Variants in GNB1L observed in about 807,000 individuals in gnomAD.
GNB1L encodes the protein guanine nucleotide-binding protein subunit beta-like protein 1.
GNB1L carries 20 observed loss-of-function variants against 29.1 expected under a neutral mutation model. The observed-to-expected ratio is 0.69, with a 90% CI of 0.48 to 1.00. The LOEUF (loss-of-function observed/expected upper bound fraction) is 1.00, where lower values mean the gene tolerates loss of function less well. Ranked by LOEUF, GNB1L falls within the 50% of genes least tolerant of loss-of-function variation. The probability of loss-of-function intolerance (pLI) is 0.00; values close to 1 mark genes in which losing one functional copy is unlikely to be tolerated. For synonymous variants in GNB1L, 193 were observed against 206.5 expected (o/e 0.93, Z 0.56); for missense variants, 421 against 464.9 (o/e 0.91, Z 0.87).
At chr22:19,853,681 C>T (rs906382370) in intron 2 of GNB1L, among the ~76,000 whole-genome samples, 4 of 152,136 alleles carry the variant, frequency 2.6e-5, no homozygotes, top group Non-Finnish European at 4.4e-5. Flanking sequence ...CCTCCACCAC[C>T]CAAACACTCT....
rs1166246342 is a variant in GNB1L at position 19,784,192 on chromosome 22, T to G, written c.*4517A>C. 1.3e-5 allele frequency: 2 copies of G among 152,202 alleles called. No homozygotes were observed. The highest frequency in any genetic ancestry group is 4.8e-5 in the African/African-American group (2 of 41,448). The allele number at this position is 152,202 out of a possible 1,614,324, so 9.4% of individuals were successfully genotyped here. A position where few individuals can be genotyped will look rare whatever the true frequency, so the allele number is the denominator to read the frequency against. ...GGGTTGTTTTTCTTTGTGCAAACAC[T>G]CCTTTTGTGCAGAGGGTGTTCTGTG... On this transcript the variant is annotated 3_prime_UTR_variant, in exon 8 of 8. Coordinates refer to ENST00000329517, the MANE Select transcript of GNB1L (RefSeq NM_053004.3).
chr22:19,833,593 G>A (rs1171389294), intron 2 of GNB1L, among the ~76,000 whole-genome samples: 1 of 152,160 alleles, frequency 6.6e-6, no homozygotes, highest in Non-Finnish European at 1.5e-5. Context: ...GCCGGACGCG[G>A]TAGTTCACAC....
rs1184835884 is a variant in GNB1L, at chr22:19,806,531, A to G, written c.516+128T>C. ...CGTGGGGACACTGAGGCAGCTGCAC[A>G]GGTTCCCTGCGGCAGGGGGGTGGGG... is the stretch of plus-strand genomic sequence containing the variant. On this transcript the variant is annotated intron_variant, in intron 6 of 7. Coordinates refer to ENST00000329517, the MANE Select transcript of GNB1L (RefSeq NM_053004.3). 2.7e-5 allele frequency: 17 copies of G among 629,682 alleles called. No homozygotes were observed. The South Asian group carries it at 3.2e-4, about 12-fold the overall frequency. The allele number at this position is 629,682 out of a possible 1,614,324, so 39.0% of individuals were successfully genotyped here. A position where few individuals can be genotyped will look rare whatever the true frequency, so the allele number is the denominator to read the frequency against.
In GNB1L at chr22:19,812,300, C is replaced by T. The variant is rs1937508306; in HGVS notation, c.402G>A (p.Gly134=). The T allele has an allele frequency of 6.2e-7, 1 of 1,612,716 alleles. No individual in the cohort carries two copies. Among genetic ancestry groups the T allele is most frequent in the Non-Finnish European group, 8.5e-7 (1 of 1,179,738 alleles). ...TGGCTCTCACCTCGTCGCTGCCCCT[C>T]CCTGGCACGGCAAGCGTCCAGCGTG... is the stretch of plus-strand genomic sequence containing the variant. ...GQPRWTLAVP[G]RGSDEVQILE... Residue 134 remains glycine, a synonymous_variant, in exon 5 of 8, where the codon GGG becomes GGA. Coordinates refer to ENST00000329517, the MANE Select transcript of GNB1L (RefSeq NM_053004.3).
intron 2 of GNB1L, among the ~76,000 whole-genome samples, chr22:19,845,014 C>T (rs1156340110): frequency 6.6e-6 from 1 of 152,202 alleles, no homozygotes; most frequent in African/African-American, 2.4e-5. Flanking sequence ...GGGATGTGCC[C>T]TGGAAACTTG....
intron 2 of GNB1L, among the ~76,000 whole-genome samples, chr22:19,839,807 G>A (rs1937826473): frequency 6.6e-6 from 1 of 152,040 alleles, no homozygotes; most frequent in Non-Finnish European, 1.5e-5. Flanking sequence ...CTGAACCCAG[G>A]AGGTGGAGGT....
At chr22:19,843,111 T>C (rs1180080856) in intron 2 of GNB1L, among the ~76,000 whole-genome samples, 18 of 152,190 alleles carry the variant, frequency 1.2e-4, no homozygotes, top group Admixed American at 1.0e-3. Flanking sequence ...GAGGGGCAGA[T>C]AGCACCGGGC....
rs1342560001 is a variant in GNB1L, at chr22:19,816,949, G to T, written c.254+3649C>A. 1.3e-5 allele frequency among the ~76,000 whole-genome samples: 2 copies of T among 152,192 alleles called. No homozygotes were observed. The highest frequency in any genetic ancestry group is 4.8e-5 in the African/African-American group (2 of 41,438). On this transcript the variant is annotated intron_variant, in intron 4 of 7. Coordinates refer to ENST00000329517, the MANE Select transcript of GNB1L (RefSeq NM_053004.3). The surrounding 1 kb of genome is among the most constrained non-coding windows in gnomAD (Gnocchi z 4.4). The stretch of plus-strand genomic sequence containing the variant: ...TCCCACCCCATCCAAGGGGCACTGA[G>T]GTGGGGGAAGGCGGGACCGCTGGGT...
At chr22:19,799,388 C>T (rs1161370358) in intron 7 of GNB1L, among the ~76,000 whole-genome samples, 1 of 152,226 alleles carries the variant, frequency 6.6e-6, no homozygotes, top group East Asian at 1.9e-4. Flanking sequence ...CCGAGGCACC[C>T]TCAGGTGGTA....
chr22:19,796,087 G>A (rs528055649), intron 7 of GNB1L, among the ~76,000 whole-genome samples: 1 of 152,348 alleles, frequency 6.6e-6, no homozygotes, highest in East Asian at 1.9e-4. Flanking sequence ...ATAAAGGGAA[G>A]TAGTGACCAA....
chr22:19,841,365 CA>C (rs1325004472), intron 2 of GNB1L, among the ~76,000 whole-genome samples: 1 of 152,174 alleles, frequency 6.6e-6, no homozygotes, highest in Non-Finnish European at 1.5e-5. Flanking sequence ...TATGAAACTT[CA>C]ATTCCTGTTT....
At chr22:19,789,965 C>T (rs551157231) in intron 7 of GNB1L, among the ~76,000 whole-genome samples, 9 of 152,296 alleles carry the variant, frequency 5.9e-5, no homozygotes, top group South Asian at 2.1e-4. Flanking sequence ...GAATGCTCCA[C>T]AGCCACAGGG....
chr22:19,831,704 AAAGAAAT>A, intron 2 of GNB1L, among the ~76,000 whole-genome samples: 1 of 151,810 alleles, frequency 6.6e-6, no homozygotes, highest in Non-Finnish European at 1.5e-5. Flanking sequence ...AAAAAAAATA[AAAGAAAT>A]AAAAAGAAAG....
At chr22:19,831,668 G>A (rs534903489) in intron 2 of GNB1L, among the ~76,000 whole-genome samples, 3 of 151,160 alleles carry the variant, frequency 2.0e-5, no homozygotes, top group Non-Finnish European at 4.4e-5. Flanking sequence ...TCCAGCCTGG[G>A]CGACAGAGTG....
chr22:19,852,707 G>A (rs1369700954), intron 2 of GNB1L, among the ~76,000 whole-genome samples: 1 of 152,160 alleles, frequency 6.6e-6, no homozygotes, highest in Non-Finnish European at 1.5e-5. Context: ...AATTTCAGAA[G>A]AAAAGGGGCC....
rs961231093 is a variant in GNB1L, at chr22:19,836,146, T to A, written c.-20-14771A>T. The stretch of plus-strand genomic sequence containing the variant: ...TCTTTAAAAAGATCAATAAAACTGA[T>A]AAATCTCTAGCTGAACTGACAACAA... On this transcript the variant is annotated intron_variant, in intron 2 of 7. Coordinates refer to ENST00000329517, the MANE Select transcript of GNB1L (RefSeq NM_053004.3). Among the ~76,000 whole-genome samples, 7 of 152,108 alleles carry A rather than the reference T, an allele frequency of 4.6e-5. 1 individual carries two copies. The East Asian group carries it at 1.3e-3, about 29-fold the overall frequency.
At chr22:19,798,797 G>T (rs1228738154) in intron 7 of GNB1L, among the ~76,000 whole-genome samples, 1 of 152,228 alleles carries the variant, frequency 6.6e-6, no homozygotes, top group Non-Finnish European at 1.5e-5. Flanking sequence ...CGGGAAGCCT[G>T]GTGGGGCCTC....
rs768348243 is a variant in GNB1L at position 19,806,682 on chromosome 22, G to A, written c.493C>T (p.Pro165Ser). ...ACCTGCCACAGCCGCAGGCACATGG[G>A]CATGCCCAGCTTGGCATCTGCCTTC... is the stretch of plus-strand genomic sequence containing the variant. ...KPKADAKLGMPMCLRLWQADC... is the reference protein window; with the variant it reads ...KPKADAKLGMSMCLRLWQADC... The change falls in exon 6 of 8, where the codon CCC becomes TCC. Residue 165 changes from proline to serine, a missense_variant. By Grantham distance (74) the Pro-to-Ser change is moderately conservative. Coordinates refer to ENST00000329517, the MANE Select transcript of GNB1L (RefSeq NM_053004.3). The A allele has an allele frequency of 6.2e-7, 1 of 1,612,500 alleles. No individual in the cohort carries two copies. Among genetic ancestry groups the A allele is most frequent in the South Asian group, 1.1e-5 (1 of 91,030 alleles).
chr22:19,820,569 T>C (rs375080541), intron 4 of GNB1L, 29 bp downstream of exon 4: 17 of 1,601,182 alleles, frequency 1.1e-5, no homozygotes, highest in African/African-American at 6.7e-5. Flanking sequence ...CCGAAGGCCA[T>C]ACCTGGCTCC....
Sources: gnomAD v4.1 joint callset for allele counts (sites outside exome capture counted in the v4.1 genomes callset) on GRCh38, gnomAD v4.1.1 for gene constraint, Gnocchi (gnomAD v3.1) non-coding constraint, MANE v1.5 for transcripts, NCBI Gene and HGNC (gene_info 2026-07-23, HGNC 2026-07-21) for gene names.